Variants in ST3GAL3 observed in about 807,000 individuals in gnomAD.
ST3GAL3 encodes CMP-N-acetylneuraminate-beta-1,4-galactoside alpha-2,3-sialyltransferase.
In ST3GAL3, 21 loss-of-function variants were observed where a neutral mutation model predicts 50.1. That is an observed-to-expected ratio of 0.42 (90% CI 0.30 to 0.60). The LOEUF (loss-of-function observed/expected upper bound fraction) is 0.60. Ranked by LOEUF, ST3GAL3 falls within the 20% of genes least tolerant of loss-of-function variation. ST3GAL3 has a pLI of 0.19. For missense variants in ST3GAL3, 353 were observed against 489.4 expected (o/e 0.72, Z 2.63); for synonymous variants, 183 against 190.0 (o/e 0.96, Z 0.30).
intron 3 of ST3GAL3, chr1:43,801,389 C>T: frequency 2.2e-6 from 1 of 456,148 alleles, no homozygotes; most frequent in South Asian, 1.5e-5. Flanking sequence ...TCATGTACAA[C>T]CGTATTCCTT....
intron 9 of ST3GAL3, chr1:43,919,793 G>C (rs2082713671): frequency 5.9e-6 from 1 of 168,798 alleles, no homozygotes; most frequent in African/African-American, 2.4e-5. Context: ...ACAGTGCAGA[G>C]ACCCTCCGGT....
chr1:43,746,723 A>G (rs981401094), intron 2 of ST3GAL3, among the ~76,000 whole-genome samples: 2 of 150,196 alleles, frequency 1.3e-5, no homozygotes, highest in African/African-American at 4.9e-5. Context: ...TGGCCTCCCA[A>G]AGTGCTGGGA....
rs3791064 is a variant in ST3GAL3, at chr1:43,814,753, T to G, written c.167-138T>G. Reference sequence around the variant, plus strand: ...GCTGGTGTTTTGTGGTTTATGTATTTAGTTACGTTCTTTGAAGCAGTTGAA... The same window carrying G: ...GCTGGTGTTTTGTGGTTTATGTATTGAGTTACGTTCTTTGAAGCAGTTGAA... On this transcript the variant is annotated intron_variant, in intron 3 of 11. Transcript: ENST00000347631. 347,951 of 837,200 alleles carry G rather than the reference T, an allele frequency of 0.42. 73,782 individuals are homozygous for G. Among genetic ancestry groups the G allele is most frequent in the East Asian group, 0.54 (22,186 of 41,168 alleles). 51.9% of individuals were successfully genotyped at this position (837,200 alleles called of 1,614,324 possible).
intron 4 of ST3GAL3, among the ~76,000 whole-genome samples, chr1:43,824,361 C>G (rs2062495046): frequency 6.7e-6 from 1 of 148,868 alleles, no homozygotes; most frequent in Non-Finnish European, 1.5e-5. Context: ...TCTTTAATGC[C>G]TTAAAAAAAA....
chr1:43,930,245 A>C lies in ST3GAL3; in HGVS notation c.*24A>C, dbSNP rs1207421235. On this transcript the variant is annotated 3_prime_UTR_variant, in exon 12 of 12. Coordinates refer to ENST00000347631, the MANE Select transcript of ST3GAL3 (RefSeq NM_006279.5). ...GAGTGGGCCCAGCACATGGCCATAG[A>C]GGCCCAGGCACCACCAGGAGCAGCA... is the stretch of plus-strand genomic sequence containing the variant. 1 of 1,606,082 alleles carries C rather than the reference A, an allele frequency of 6.2e-7. No individual in the cohort carries two copies. Among genetic ancestry groups the C allele is most frequent in the Non-Finnish European group, 8.5e-7 (1 of 1,174,330 alleles).
chr1:43,885,719 C>T (rs1030717603), intron 5 of ST3GAL3, among the ~76,000 whole-genome samples: 3 of 152,192 alleles, frequency 2.0e-5, no homozygotes, highest in Non-Finnish European at 2.9e-5. Context: ...CACCCCACCC[C>T]GACATTTCCT....
chr1:43,883,037 C>T (rs1394254377), intron 5 of ST3GAL3, among the ~76,000 whole-genome samples: 3 of 152,044 alleles, frequency 2.0e-5, no homozygotes, highest in African/African-American at 4.8e-5. Context: ...TCATAGCTCA[C>T]TGCAGCCTCG....
chr1:43,879,033 CAA>C (rs974420061), intron 5 of ST3GAL3: 9 of 456,068 alleles, frequency 2.0e-5, no homozygotes, highest in East Asian at 6.9e-5. Flanking sequence ...ACAGAGAAAA[CAA>C]GAGAAGATGA....
chr1:43,808,100 G>A (rs983585214), intron 3 of ST3GAL3, among the ~76,000 whole-genome samples: 4 of 152,072 alleles, frequency 2.6e-5, no homozygotes, highest in African/African-American at 4.8e-5. Context: ...TCAGGAGTTC[G>A]AGACTGGCCT....
chr1:43,708,067 C>T, intron 1 of ST3GAL3: 1 of 152,484 alleles, frequency 6.6e-6, no homozygotes, highest in Non-Finnish European at 1.5e-5. Flanking sequence ...AGCGCCTGAG[C>T]GGGAATCGGC....
intron 2 of ST3GAL3, among the ~76,000 whole-genome samples, chr1:43,776,468 T>C (rs1697300389): frequency 6.6e-6 from 1 of 152,168 alleles, no homozygotes; most frequent in Non-Finnish European, 1.5e-5. Flanking sequence ...CATCAGTTGA[T>C]GAATGGATAA....
chr1:43,824,363 TAA>T (rs76516582), intron 4 of ST3GAL3, among the ~76,000 whole-genome samples: 8 of 139,348 alleles, frequency 5.7e-5, no homozygotes, highest in Admixed American at 1.4e-4. Flanking sequence ...TTTAATGCCT[TAA>T]AAAAAAAAAA....
At chr1:43,807,912 G>T (rs1391399567) in intron 3 of ST3GAL3, among the ~76,000 whole-genome samples, 1 of 152,166 alleles carries the variant, frequency 6.6e-6, no homozygotes, top group Non-Finnish European at 1.5e-5. Flanking sequence ...CTGGGTGTGT[G>T]TGAGGGTGAT....
At chr1:43,896,085 A>G (rs2077353303) in intron 6 of ST3GAL3, among the ~76,000 whole-genome samples, 2 of 152,204 alleles carry the variant, frequency 1.3e-5, no homozygotes, top group South Asian at 4.1e-4. Context: ...CACTTAGTGT[A>G]GAACATTGCT....
chr1:43,712,206 G>A (rs956854450), intron 1 of ST3GAL3, among the ~76,000 whole-genome samples: 14 of 152,182 alleles, frequency 9.2e-5, no homozygotes, highest in Non-Finnish European at 2.9e-5. Flanking sequence ...TTCACAGTAA[G>A]CACTCATGAT....
intron 5 of ST3GAL3, among the ~76,000 whole-genome samples, chr1:43,874,241 C>T (rs1305871381): frequency 6.6e-6 from 1 of 152,180 alleles, no homozygotes; most frequent in African/African-American, 2.4e-5. Flanking sequence ...TGTATGGTTA[C>T]TCTGTTGATA....
At chr1:43,768,984 A>G (rs1694112488) in intron 2 of ST3GAL3, among the ~76,000 whole-genome samples, 1 of 152,244 alleles carries the variant, frequency 6.6e-6, no homozygotes, top group Non-Finnish European at 1.5e-5. Context: ...CTAAAAATAT[A>G]AATGTAAAAA....
intron 4 of ST3GAL3, chr1:43,819,221 G>T (rs1276808203): frequency 6.6e-6 from 1 of 152,202 alleles, no homozygotes. Flanking sequence ...AGCCTCCCGA[G>T]TAGCTGGGAT....
intron 2 of ST3GAL3, among the ~76,000 whole-genome samples, chr1:43,790,988 A>G (rs1318177192): frequency 6.6e-6 from 1 of 152,086 alleles, no homozygotes; most frequent in African/African-American, 2.4e-5. Context: ...ATCACTGTAC[A>G]GTATTTGCTT....
Sources: allele counts gnomAD v4.1 joint callset (sites outside exome capture counted in the v4.1 genomes callset), GRCh38; gene constraint gnomAD v4.1.1; transcripts MANE v1.5; gene names NCBI Gene and HGNC (gene_info 2026-07-23, HGNC 2026-07-21).